The following CERS6 variants were observed in gnomAD, a reference collection of about 807,000 sequenced individuals.
CERS6 encodes the protein LAG1 homolog, ceramide synthase 6.
CERS6 carries 26 observed loss-of-function variants against 56.8 expected under a neutral mutation model. The ratio of observed to expected loss-of-function variants is 0.46; its 90% CI spans 0.34 to 0.63. The LOEUF (loss-of-function observed/expected upper bound fraction) is 0.63. Ranked by LOEUF, CERS6 falls within the 30% of genes least tolerant of loss-of-function variation. The probability of loss-of-function intolerance (pLI) is 0.01; values close to 1 mark genes in which losing one functional copy is unlikely to be tolerated. For missense variants in CERS6, 415 were observed against 467.5 expected, an observed-to-expected ratio of 0.89 and a Z score of 1.04; for synonymous variants, 164 against 173.3, an observed-to-expected ratio of 0.95 and a Z score of 0.42.
chr2:168,749,588 G>C (rs1166024204), intron 8 of CERS6, among the ~76,000 whole-genome samples: 2 of 132,832 alleles, frequency 1.5e-5, no homozygotes, highest in African/African-American at 5.8e-5. Context: ...AGCTGGGACT[G>C]TGGCTAAGTG....
At chr2:168,564,014 C>T (rs907102793) in intron 3 of CERS6, among the ~76,000 whole-genome samples, 3 of 152,128 alleles carry the variant, frequency 2.0e-5, no homozygotes, top group South Asian at 4.1e-4. Context: ...TGAGTTGCCA[C>T]TAGATTCTCC....
intron 3 of CERS6, among the ~76,000 whole-genome samples, chr2:168,594,706 T>C (rs1378670790): frequency 6.6e-6 from 1 of 152,154 alleles, no homozygotes; most frequent in Admixed American, 6.6e-5. Flanking sequence ...AAAGCCCAAC[T>C]CAGGTCATGT....
At chr2:168,578,876 C>T (rs1256155242) in intron 3 of CERS6, among the ~76,000 whole-genome samples, 1 of 151,970 alleles carries the variant, frequency 6.6e-6, no homozygotes, top group Non-Finnish European at 1.5e-5. Context: ...ACATTTTTTT[C>T]CTAACATTAT....
chr2:168,555,349 G>A (rs1695656148), intron 2 of CERS6, among the ~76,000 whole-genome samples: 1 of 151,912 alleles, frequency 6.6e-6, no homozygotes, highest in African/African-American at 2.4e-5. Context: ...CTACCTTTAT[G>A]TGCTATGCTG....
At chr2:168,665,486 C>T (rs1178435511) in intron 4 of CERS6, among the ~76,000 whole-genome samples, 2 of 152,126 alleles carry the variant, frequency 1.3e-5, no homozygotes, top group East Asian at 1.9e-4. Context: ...ACAGCACCCT[C>T]GGATGGTGGG....
rs1695159854 is a variant in CERS6 at position 168,531,184 on chromosome 2, A to C, written c.171-16412A>C. On this transcript the variant is annotated intron_variant, in intron 1 of 9. Coordinates refer to ENST00000305747, the MANE Select transcript of CERS6 (RefSeq NM_203463.3). ...AATATTTGAGGAGGTTATAGACTGC[A>C]CCATCTCTCTAGAGGACTGAGAAAA... Among the ~76,000 whole-genome samples the C allele has an allele frequency of 1.3e-5, 2 of 152,216 alleles. 1 individual carries two copies. Among genetic ancestry groups the C allele is most frequent in the South Asian group, 4.1e-4 (2 of 4,830 alleles).
At chr2:168,616,888 A>G (rs201090775) in intron 3 of CERS6, among the ~76,000 whole-genome samples, 1 of 147,174 alleles carries the variant, frequency 6.8e-6, no homozygotes, top group African/African-American at 2.4e-5. Context: ...AAATGGACTT[A>G]ATAGATATTT....
At chr2:168,613,114 G>A (rs1684228232) in intron 3 of CERS6, among the ~76,000 whole-genome samples, 1 of 152,198 alleles carries the variant, frequency 6.6e-6, no homozygotes, top group Admixed American at 6.5e-5. Context: ...GAAGGCGAAG[G>A]AAGACTCAAG....
At chr2:168,644,254 A>C (rs752426580) in intron 4 of CERS6, 1 of 963,506 alleles carries the variant, frequency 1.0e-6, no homozygotes, top group Non-Finnish European at 1.2e-6. Flanking sequence ...TGAGCATGTG[A>C]CTGAGGATGA....
intron 3 of CERS6, among the ~76,000 whole-genome samples, chr2:168,563,394 G>A (rs1409101619): frequency 6.6e-6 from 1 of 152,210 alleles, no homozygotes; most frequent in African/African-American, 2.4e-5. Context: ...ATGGGGAAGA[G>A]ATGGTGCATA....
At chr2:168,505,088 T>G (rs2105347203) in intron 1 of CERS6, among the ~76,000 whole-genome samples, 1 of 152,068 alleles carries the variant, frequency 6.6e-6, no homozygotes, top group South Asian at 2.1e-4. Flanking sequence ...AAAAGAAATA[T>G]GAGCCTGGTC....
intron 7 of CERS6, among the ~76,000 whole-genome samples, chr2:168,717,537 A>G (rs527845466): frequency 6.6e-6 from 1 of 152,324 alleles, no homozygotes; most frequent in African/African-American, 2.4e-5. Context: ...CTGGCTTGCT[A>G]GTATCATCTA....
At chr2:168,742,003 GA>G (rs2105430686) in intron 8 of CERS6, among the ~76,000 whole-genome samples, 1 of 152,312 alleles carries the variant, frequency 6.6e-6, no homozygotes, top group Non-Finnish European at 1.5e-5. Context: ...GTATTCAGGG[GA>G]AAAGATTTGA....
intron 4 of CERS6, among the ~76,000 whole-genome samples, chr2:168,649,174 G>T (rs908602626): frequency 2.6e-5 from 4 of 152,174 alleles, no homozygotes; most frequent in Non-Finnish European, 5.9e-5. Context: ...AAGCTGTACT[G>T]TGCTTATTTC....
chr2:168,576,930 G>A (rs950334964), intron 3 of CERS6, among the ~76,000 whole-genome samples: 1 of 152,162 alleles, frequency 6.6e-6, no homozygotes, highest in African/African-American at 2.4e-5. Context: ...GCCCTTGAGT[G>A]GGTTGAGGAA....
At chr2:168,760,133 A>T (rs1330923698) in intron 8 of CERS6, among the ~76,000 whole-genome samples, 3 of 152,160 alleles carry the variant, frequency 2.0e-5, no homozygotes, top group Non-Finnish European at 4.4e-5. Context: ...CAACCACTGT[A>T]TTAGTCAGGA....
intron 8 of CERS6, 21 bp downstream of exon 8, chr2:168,717,999 C>A: frequency 6.7e-7 from 1 of 1,495,310 alleles, no homozygotes. Context: ...CAGTCTCCTT[C>A]CTGATAGAGC....
chr2:168,631,829 A>C (rs1039014636), intron 4 of CERS6, among the ~76,000 whole-genome samples: 4 of 131,212 alleles, frequency 3.0e-5, no homozygotes, highest in Admixed American at 1.8e-4. Context: ...TATATTATAT[A>C]ATATATATTA....
At chr2:168,586,546 A>T (rs1461427244) in intron 3 of CERS6, among the ~76,000 whole-genome samples, 2 of 152,174 alleles carry the variant, frequency 1.3e-5, no homozygotes, top group Non-Finnish European at 2.9e-5. Flanking sequence ...TATAGCAAAG[A>T]CTGTGTTTAT....
Sources: gnomAD v4.1 joint callset for allele counts (sites outside exome capture counted in the v4.1 genomes callset) on GRCh38, gnomAD v4.1.1 for gene constraint, MANE v1.5 for transcripts, NCBI Gene and HGNC (gene_info 2026-07-23, HGNC 2026-07-21) for gene names.